Variants in AKAP19 observed in about 807,000 individuals in gnomAD.
AKAP19 encodes A-kinase anchoring protein 19, also known as small A-kinase anchoring protein.
the AKAP19 span, among the ~76,000 whole-genome samples, chr2:190,067,478 A>G: frequency 6.6e-6 from 1 of 150,592 alleles, no homozygotes. Context: ...GACATCAAAC[A>G]TGGTAATTTT....
the AKAP19 span, among the ~76,000 whole-genome samples, chr2:189,980,442 C>G: frequency 6.6e-6 from 1 of 152,158 alleles, no homozygotes; most frequent in Non-Finnish European, 1.5e-5. Context: ...AGGTTCAATT[C>G]TCATGCCTCA....
chr2:190,060,154 GT>G, the AKAP19 span: 1 of 1,612,914 alleles, frequency 6.2e-7, no homozygotes, highest in Non-Finnish European at 8.5e-7. Flanking sequence ...TTGGATTCAG[GT>G]TGTTTGAGCC....
chr2:190,143,284 GAAAAA>G, the AKAP19 span, among the ~76,000 whole-genome samples: 1 of 118,926 alleles, frequency 8.4e-6, no homozygotes, highest in African/African-American at 3.2e-5. Context: ...TATCCTGTAG[GAAAAA>G]AAAAAAAAAA....
At chr2:190,048,978 G>T in the AKAP19 span, among the ~76,000 whole-genome samples, 1 of 151,946 alleles carries the variant, frequency 6.6e-6, no homozygotes, top group Non-Finnish European at 1.5e-5. Context: ...ATGCATTTTG[G>T]AATATACTCC....
chr2:190,164,425 G>A, the AKAP19 span, among the ~76,000 whole-genome samples: 1 of 152,264 alleles, frequency 6.6e-6, no homozygotes, highest in African/African-American at 2.4e-5. Context: ...CAGCTACTGG[G>A]GCGGCTGAGG....
chr2:189,947,483 A>G, the AKAP19 span, among the ~76,000 whole-genome samples: 2 of 152,268 alleles, frequency 1.3e-5, no homozygotes, highest in Non-Finnish European at 2.9e-5. Flanking sequence ...TAAAATATTT[A>G]ATGAAAAGGC....
At chr2:190,018,651 T>C in the AKAP19 span, among the ~76,000 whole-genome samples, 1 of 152,158 alleles carries the variant, frequency 6.6e-6, no homozygotes, top group African/African-American at 2.4e-5. Flanking sequence ...TTCTGCAGGG[T>C]CTATTTTGGG....
At chr2:190,147,739 GTTT>G in the AKAP19 span, among the ~76,000 whole-genome samples, 3 of 148,864 alleles carry the variant, frequency 2.0e-5, no homozygotes, top group Non-Finnish European at 4.5e-5. Context: ...TATTTCTAAG[GTTT>G]TTTTTTTGTT....
the AKAP19 span, among the ~76,000 whole-genome samples, chr2:190,121,285 T>A: frequency 2.0e-5 from 3 of 151,988 alleles, no homozygotes; most frequent in Non-Finnish European, 4.4e-5. Context: ...GCTAATTTTT[T>A]AATTTTTTGT....
the AKAP19 span, among the ~76,000 whole-genome samples, chr2:190,105,558 C>T: frequency 1.4e-3 from 218 of 152,338 alleles, 2 homozygotes; most frequent in African/African-American, 4.6e-3. Context: ...CTATATTTCA[C>T]GATTCCTCTT....
At chr2:189,960,013 G>A in the AKAP19 span, among the ~76,000 whole-genome samples, 1 of 151,930 alleles carries the variant, frequency 6.6e-6, no homozygotes, top group African/African-American at 2.4e-5. Context: ...TCTGCCTATA[G>A]GCATCAAAAA....
the AKAP19 span, among the ~76,000 whole-genome samples, chr2:190,069,175 T>TGTGTGTGA: frequency 3.4e-3 from 423 of 123,512 alleles, 6 homozygotes; most frequent in African/African-American, 0.012. Flanking sequence ...TGTGTGTGTG[T>TGTGTGTGA]GAGAGAGAGA....
At chr2:190,013,164 G>T in the AKAP19 span, among the ~76,000 whole-genome samples, 1 of 152,064 alleles carries the variant, frequency 6.6e-6, no homozygotes, top group South Asian at 2.1e-4. Flanking sequence ...TCAATTTTTT[G>T]GAAGACTTTA....
the AKAP19 span, among the ~76,000 whole-genome samples, chr2:190,071,792 G>C: frequency 6.6e-6 from 1 of 151,952 alleles, no homozygotes; most frequent in African/African-American, 2.4e-5. Flanking sequence ...TGGAGATGTA[G>C]AACAAAATGA....
At chr2:189,887,810 G>GTT in the AKAP19 span, among the ~76,000 whole-genome samples, 3 of 150,148 alleles carry the variant, frequency 2.0e-5, no homozygotes, top group African/African-American at 7.3e-5. Flanking sequence ...CTTTTTGATG[G>GTT]TTTTTTTTTC....
the AKAP19 span, among the ~76,000 whole-genome samples, chr2:190,065,594 A>C: frequency 6.6e-6 from 1 of 152,204 alleles, no homozygotes; most frequent in African/African-American, 2.4e-5. Flanking sequence ...TGAATGAACA[A>C]TATATATTAA....
the AKAP19 span, among the ~76,000 whole-genome samples, chr2:189,968,663 A>G: frequency 3.3e-5 from 5 of 152,192 alleles, no homozygotes; most frequent in Non-Finnish European, 7.3e-5. Flanking sequence ...AGAAAGGTTG[A>G]GAGTAGAAGA....
At chr2:190,004,737 A>C in the AKAP19 span, among the ~76,000 whole-genome samples, 206 of 152,172 alleles carry the variant, frequency 1.4e-3, no homozygotes, top group Middle Eastern at 6.8e-3. Flanking sequence ...CAGACACATC[A>C]TAGGAGAAAG....
the AKAP19 span, among the ~76,000 whole-genome samples, chr2:190,048,460 A>G: frequency 6.6e-6 from 1 of 152,196 alleles, no homozygotes; most frequent in African/African-American, 2.4e-5. Context: ...ACTCAATGTT[A>G]CTTCTATAAA....
Sources: gnomAD v4.1 joint callset for allele counts (sites outside exome capture counted in the v4.1 genomes callset) on GRCh38, gnomAD v4.1.1 for gene constraint, MANE v1.5 for transcripts, NCBI Gene and HGNC (gene_info 2026-07-23, HGNC 2026-07-21) for gene names.